FAM8A1: variants seen among roughly 807,000 people sequenced by gnomAD.
FAM8A1 encodes protein FAM8A1.
Under a neutral mutation model 38.3 loss-of-function variants are expected in FAM8A1, and 18 were observed. The ratio of observed to expected loss-of-function variants is 0.47; its 90% CI spans 0.33 to 0.70. FAM8A1 has a LOEUF of 0.70. FAM8A1 is among the 30% of genes least tolerant of loss of function. The pLI is 0.03. For missense variants in FAM8A1, 559 were observed against 559.6 expected (o/e 1.00, Z 0.01); for synonymous variants, 246 against 234.4 (o/e 1.05, Z -0.45).
chr6:17,604,713 C>G (rs567498967), intron 2 of FAM8A1, among the ~76,000 whole-genome samples, 193 bp from the exon 3 acceptor site: 1 of 152,138 alleles, frequency 6.6e-6, no homozygotes, highest in African/African-American at 2.4e-5. Flanking sequence ...CGTGCTAGTA[C>G]AGTGTCTGCT....
intron 2 of FAM8A1, among the ~76,000 whole-genome samples, chr6:17,603,238 C>G (rs1030841707): frequency 6.6e-6 from 1 of 152,192 alleles, no homozygotes; most frequent in Non-Finnish European, 1.5e-5. Flanking sequence ...TTCCTGAGTA[C>G]TTTCTATATG....
intron 2 of FAM8A1, among the ~76,000 whole-genome samples, chr6:17,604,083 G>GT (rs1242681756): frequency 6.6e-6 from 1 of 151,482 alleles, no homozygotes; most frequent in Non-Finnish European, 1.5e-5. Flanking sequence ...TTTTTAAAAT[G>GT]TTTATTGTTT....
chr6:17,601,135 G>A lies in FAM8A1; in HGVS notation c.712+14G>A. ...GGCGACAGGCAGGTGAGAAGCGCGA[G>A]GTGGAGGCTGGGCGGAGTAGAAGGG... On this transcript the variant is annotated intron_variant, in intron 1 of 4. Transcript: ENST00000259963. 1.3e-6 allele frequency: 2 copies of A among 1,576,872 alleles called. No individual in the cohort carries two copies. Among genetic ancestry groups the A allele is most frequent in the African/African-American group, 1.3e-5 (1 of 74,770 alleles).
rs1763997437 is a variant in FAM8A1, at chr6:17,602,464, C to T, written c.713-126C>T. 7 of 886,530 alleles carry T rather than the reference C, an allele frequency of 7.9e-6. No homozygotes were observed. In the Admixed American group the frequency reaches 1.2e-4, roughly 15 times the overall value. The allele number at this position is 886,530 out of a possible 1,614,324, so 54.9% of individuals were successfully genotyped here. On this transcript the variant is annotated intron_variant, in intron 1 of 4. Transcript: ENST00000259963. ...GGAATCAATATCAATAGTTGCTGCA[C>T]GGTTATAAATATTTTTTATTAAGTT... is the stretch of plus-strand genomic sequence containing the variant.
In FAM8A1 at chr6:17,600,351, C is replaced by T. The variant is rs1321575932; in HGVS notation, c.-59C>T. The T allele has an allele frequency of 1.5e-6, 2 of 1,332,034 alleles. No homozygotes were observed. Among genetic ancestry groups the T allele is most frequent in the Non-Finnish European group, 1.9e-6 (2 of 1,039,300 alleles). The allele number at this position is 1,332,034 out of a possible 1,614,324, so 82.5% of individuals were successfully genotyped here. A position where few individuals can be genotyped will look rare whatever the true frequency, so the allele number is the denominator to read the frequency against. ...GGTGACGGGGCTGTTGGGGAGGGGCCATTGGGGGAGGGAAACGGAGCAGTG... is the reference window on the plus strand; with the variant it reads ...GGTGACGGGGCTGTTGGGGAGGGGCTATTGGGGGAGGGAAACGGAGCAGTG... On this transcript the variant is annotated 5_prime_UTR_variant, in exon 1 of 5. Coordinates refer to ENST00000259963, the MANE Select transcript of FAM8A1 (RefSeq NM_016255.3).
intron 4 of FAM8A1, among the ~76,000 whole-genome samples, chr6:17,607,411 A>G (rs1764069327): frequency 1.3e-5 from 2 of 151,238 alleles, no homozygotes. Context: ...TAACAACCTC[A>G]TAAGATAGAG....
chr6:17,604,630 TTC>T (rs1231256454), intron 2 of FAM8A1, among the ~76,000 whole-genome samples: 1 of 152,164 alleles, frequency 6.6e-6, no homozygotes, highest in African/African-American at 2.4e-5. Flanking sequence ...TTATTTATTG[TTC>T]TGTTTTCTTT....
chr6:17,609,032 A>G lies in FAM8A1; in HGVS notation c.*693A>G, dbSNP rs1020802951. 2.0e-5 allele frequency: 3 copies of G among 152,068 alleles called. No individual in the cohort carries two copies. Among genetic ancestry groups the G allele is most frequent in the African/African-American group, 7.2e-5 (3 of 41,392 alleles). 9.4% of individuals were successfully genotyped at this position (152,068 alleles called of 1,614,324 possible). The stretch of plus-strand genomic sequence containing the variant: ...TGAAAAAGTATCAAGTCATATTGCT[A>G]TGTTAATTGGTTTTTTTTTTTAAAA... On this transcript the variant is annotated 3_prime_UTR_variant, in exon 5 of 5. Coordinates refer to ENST00000259963, the MANE Select transcript of FAM8A1 (RefSeq NM_016255.3).
chr6:17,602,554 C>G (rs1763998845), intron 1 of FAM8A1, 36 bp from the exon 2 acceptor site: 2 of 1,565,394 alleles, frequency 1.3e-6, no homozygotes, highest in East Asian at 2.3e-5. Context: ...TGAAATGATT[C>G]GTTTTTCCTA....
Position 17,611,512 on chromosome 6 carries a change from G to A in FAM8A1, c.*3173G>A, listed in dbSNP as rs1243762937. 6.6e-6 allele frequency: 1 copy of A among 152,520 alleles called. No individual in the cohort carries two copies. Among genetic ancestry groups the A allele is most frequent in the African/African-American group, 2.4e-5 (1 of 41,404 alleles). 9.4% of individuals were successfully genotyped at this position (152,520 alleles called of 1,614,324 possible). A position where few individuals can be genotyped will look rare whatever the true frequency, so the allele number is the denominator to read the frequency against. On this transcript the variant is annotated 3_prime_UTR_variant, in exon 5 of 5. Coordinates refer to ENST00000259963, the MANE Select transcript of FAM8A1 (RefSeq NM_016255.3). ...GATATTCCTTGTCTCCAGTACCACA[G>A]GCCACTCTTGACATCCCATGTTTGC... is the stretch of plus-strand genomic sequence containing the variant.
At chr6:17,604,827 C>A in intron 2 of FAM8A1, 79 bp from the exon 3 acceptor site, 2 of 1,091,568 alleles carry the variant, frequency 1.8e-6, no homozygotes, top group Non-Finnish European at 1.3e-6. Flanking sequence ...AAATGTATGA[C>A]TTGCACTAAT....
intron 4 of FAM8A1, among the ~76,000 whole-genome samples, chr6:17,607,274 CA>C (rs1294093509): frequency 2.0e-5 from 2 of 100,028 alleles, no homozygotes; most frequent in Admixed American, 1.1e-4. Context: ...AAAAAAAAAA[CA>C]AAACAAAACT....
In FAM8A1 at chr6:17,611,476, G is replaced by A. The variant is rs1000727638; in HGVS notation, c.*3137G>A. On this transcript the variant is annotated 3_prime_UTR_variant, in exon 5 of 5. Transcript: ENST00000259963. ...TTAAAATCTGACAGACAAGTAACAT[G>A]TCAATTACTTGATATTCCTTGTCTC... The A allele has an allele frequency of 6.6e-6, 1 of 152,570 alleles. No individual in the cohort carries two copies. Among genetic ancestry groups the A allele is most frequent in the Admixed American group, 6.5e-5 (1 of 15,272 alleles). 9.5% of individuals were successfully genotyped at this position (152,570 alleles called of 1,614,324 possible).
rs777466445 is a variant in FAM8A1 at position 17,609,786 on chromosome 6, T to G, written c.*1447T>G. Reference sequence around the variant, plus strand: ...ACTTAAGGGATCAATCTAGGTGGTGTTCTTGGTCTTAAATTTAACAGCAAA... The same window carrying G: ...ACTTAAGGGATCAATCTAGGTGGTGGTCTTGGTCTTAAATTTAACAGCAAA... On this transcript the variant is annotated 3_prime_UTR_variant, in exon 5 of 5. Transcript: ENST00000259963. 2 of 152,190 alleles carry G rather than the reference T, an allele frequency of 1.3e-5. No individual in the cohort carries two copies. The highest frequency in any genetic ancestry group is 2.9e-5 in the Non-Finnish European group (2 of 68,014). 9.4% of individuals were successfully genotyped at this position (152,190 alleles called of 1,614,324 possible).
Position 17,600,840 on chromosome 6 carries a change from C to T in FAM8A1, c.431C>T (p.Pro144Leu). 6.2e-7 allele frequency: 1 copy of T among 1,610,152 alleles called. No individual in the cohort carries two copies. The highest frequency in any genetic ancestry group is 1.7e-5 in the Admixed American group (1 of 59,988). Residue 144 changes from proline (P) to leucine (L), a missense_variant, in exon 1 of 5, where the codon CCC becomes CTC. Pro to Leu is a moderately conservative substitution (Grantham distance 98). Transcript: ENST00000259963. ...GCCGCCTTCCCAGCCTACTGCAGCCCCCAGCCCTCCCCGCAGAGCTTCCCT... is the reference window on the plus strand; with the variant it reads ...GCCGCCTTCCCAGCCTACTGCAGCCTCCAGCCCTCCCCGCAGAGCTTCCCT... ...GLAAFPAYCSPQPSPQSFPSG... is the reference protein window; with the variant it reads ...GLAAFPAYCSLQPSPQSFPSG...
At chr6:17,607,056 C>T (rs945350064) in intron 4 of FAM8A1, among the ~76,000 whole-genome samples, 2 of 151,910 alleles carry the variant, frequency 1.3e-5, no homozygotes, top group African/African-American at 4.8e-5. Flanking sequence ...GTCAGGAGAT[C>T]GAGACCATCC....
At chr6:17,604,090 GTT>G (rs969421010) in intron 2 of FAM8A1, among the ~76,000 whole-genome samples, 3 of 151,216 alleles carry the variant, frequency 2.0e-5, no homozygotes, top group African/African-American at 7.3e-5. Flanking sequence ...AATGTTTATT[GTT>G]TTTTTAGAGA....
At chr6:17,606,708 T>G (rs954284652) in intron 4 of FAM8A1, among the ~76,000 whole-genome samples, 3 of 152,140 alleles carry the variant, frequency 2.0e-5, no homozygotes, top group Non-Finnish European at 4.4e-5. Context: ...TATGCATTCG[T>G]GCATCCTTCT....
rs948176749 is a variant in FAM8A1, at chr6:17,609,074, C to G, written c.*735C>G. 1 of 151,656 alleles carries G rather than the reference C, an allele frequency of 6.6e-6. No individual in the cohort carries two copies. The highest frequency in any genetic ancestry group is 6.6e-5 in the Admixed American group (1 of 15,230). The allele number at this position is 151,656 out of a possible 1,614,324, so 9.4% of individuals were successfully genotyped here. On this transcript the variant is annotated 3_prime_UTR_variant, in exon 5 of 5. Coordinates refer to ENST00000259963, the MANE Select transcript of FAM8A1 (RefSeq NM_016255.3). ...TTTTTAAAAGGTAAGTTAGTGATTA[C>G]TGTTAATGGTGGGGGAGTAAGTTTT...
Sources: gnomAD v4.1 joint callset for allele counts (sites outside exome capture counted in the v4.1 genomes callset) on GRCh38, gnomAD v4.1.1 for gene constraint, MANE v1.5 for transcripts, NCBI Gene and HGNC (gene_info 2026-07-23, HGNC 2026-07-21) for gene names.